Variants in SPMIP7 observed in about 807,000 individuals in gnomAD.
SPMIP7 encodes protein SPMIP7.
the SPMIP7 span, among the ~76,000 whole-genome samples, chr7:50,150,996 G>A: frequency 2.6e-5 from 4 of 152,214 alleles, no homozygotes; most frequent in Admixed American, 6.5e-5. Flanking sequence ...GTACATTAAT[G>A]GTGATAAGAA....
the SPMIP7 span, among the ~76,000 whole-genome samples, chr7:50,148,212 T>C: frequency 6.6e-6 from 1 of 152,204 alleles, no homozygotes; most frequent in African/African-American, 2.4e-5. Context: ...TTTTCAAATA[T>C]TTGGCAATTT....
At chr7:50,100,082 A>T in the SPMIP7 span, among the ~76,000 whole-genome samples, 1 of 152,196 alleles carries the variant, frequency 6.6e-6, no homozygotes, top group Non-Finnish European at 1.5e-5. Flanking sequence ...CCACCAGTCC[A>T]GAATGCAATC....
At chr7:50,107,144 T>C in the SPMIP7 span, among the ~76,000 whole-genome samples, 1 of 150,948 alleles carries the variant, frequency 6.6e-6, no homozygotes, top group East Asian at 1.9e-4. Flanking sequence ...TCACCTGAGG[T>C]CAGGAGTTTG....
At chr7:50,140,196 TCA>T in the SPMIP7 span, 2 of 1,461,398 alleles carry the variant, frequency 1.4e-6, no homozygotes, top group Non-Finnish European at 1.8e-6. Context: ...GTAATGTTTC[TCA>T]GTCTTGTAAA....
the SPMIP7 span, among the ~76,000 whole-genome samples, chr7:50,116,027 G>T: frequency 3.9e-5 from 6 of 152,128 alleles, no homozygotes; most frequent in Admixed American, 1.3e-4. Flanking sequence ...CAAATTGGAG[G>T]TGACTAAACA....
chr7:50,096,300 C>T, the SPMIP7 span: 43 of 1,551,828 alleles, frequency 2.8e-5, no homozygotes, highest in Non-Finnish European at 3.6e-5. Flanking sequence ...CCTTATCCCC[C>T]TTCAGTTTTG....
At chr7:50,119,774 G>A in the SPMIP7 span, among the ~76,000 whole-genome samples, 129 of 152,304 alleles carry the variant, frequency 8.5e-4, no homozygotes, top group Non-Finnish European at 1.6e-3. Flanking sequence ...GTGCTTCCGA[G>A]CATTGAATAC....
At chr7:50,139,363 A>G in the SPMIP7 span, among the ~76,000 whole-genome samples, 2 of 151,314 alleles carry the variant, frequency 1.3e-5, no homozygotes, top group Non-Finnish European at 2.9e-5. Flanking sequence ...AAAAAAAAAA[A>G]GAAAAAAAAA....
chr7:50,145,183 A>T, the SPMIP7 span, among the ~76,000 whole-genome samples: 5 of 151,582 alleles, frequency 3.3e-5, no homozygotes, highest in African/African-American at 9.7e-5. Context: ...GAATCGCTTG[A>T]GCCTGGGAGG....
chr7:50,145,406 A>G, the SPMIP7 span, among the ~76,000 whole-genome samples: 3 of 150,880 alleles, frequency 2.0e-5, no homozygotes, highest in African/African-American at 7.3e-5. Flanking sequence ...GTCCCATATA[A>G]TTTCAGTGCT....
chr7:50,154,618 A>C, the SPMIP7 span, among the ~76,000 whole-genome samples: 1 of 152,206 alleles, frequency 6.6e-6, no homozygotes, highest in Non-Finnish European at 1.5e-5. Context: ...CCATTCATCT[A>C]TCAACAGACA....
chr7:50,137,343 A>G, the SPMIP7 span, among the ~76,000 whole-genome samples: 1,894 of 152,242 alleles, frequency 0.012, 36 homozygotes, highest in African/African-American at 0.044. Context: ...TAAGATTCAT[A>G]CCTGTTGACA....
the SPMIP7 span, among the ~76,000 whole-genome samples, chr7:50,108,821 T>C: frequency 6.6e-6 from 1 of 152,194 alleles, no homozygotes; most frequent in East Asian, 1.9e-4. Flanking sequence ...AATAGAAGTT[T>C]GAAATGACCA....
the SPMIP7 span, among the ~76,000 whole-genome samples, chr7:50,133,198 C>A: frequency 6.6e-6 from 1 of 151,018 alleles, no homozygotes; most frequent in Non-Finnish European, 1.5e-5. Flanking sequence ...GAACAACTTT[C>A]AAAACTCCAA....
At chr7:50,115,057 T>C in the SPMIP7 span, among the ~76,000 whole-genome samples, 6 of 151,508 alleles carry the variant, frequency 4.0e-5, no homozygotes, top group African/African-American at 1.4e-4. Flanking sequence ...ATTAGTACCC[T>C]ACTTATACGC....
At chr7:50,102,251 G>A in the SPMIP7 span, among the ~76,000 whole-genome samples, 1 of 152,194 alleles carries the variant, frequency 6.6e-6, no homozygotes, top group Non-Finnish European at 1.5e-5. Context: ...TTGAACCCAG[G>A]AGGCGGAGGT....
chr7:50,148,723 A>C, the SPMIP7 span, among the ~76,000 whole-genome samples: 32 of 152,340 alleles, frequency 2.1e-4, no homozygotes, highest in Middle Eastern at 3.4e-3. Context: ...TCACTCACCT[A>C]GGTCCCTCCA....
At chr7:50,100,978 T>C in the SPMIP7 span, among the ~76,000 whole-genome samples, 1 of 152,280 alleles carries the variant, frequency 6.6e-6, no homozygotes, top group Non-Finnish European at 1.5e-5. Context: ...CCTTCTTTTG[T>C]TGATTTTTAG....
chr7:50,110,373 C>A, the SPMIP7 span, among the ~76,000 whole-genome samples: 1 of 148,272 alleles, frequency 6.7e-6, no homozygotes, highest in African/African-American at 2.5e-5. Context: ...AACAGGAGTT[C>A]TTATATATAT....
Sources: allele counts gnomAD v4.1 joint callset (sites outside exome capture counted in the v4.1 genomes callset), GRCh38; gene constraint gnomAD v4.1.1; transcripts MANE v1.5; gene names NCBI Gene and HGNC (gene_info 2026-07-23, HGNC 2026-07-21).